LIPA: variants seen among roughly 807,000 people sequenced by gnomAD.
LIPA encodes lipase A, lysosomal acid type, also known as lysosomal acid lipase/cholesteryl ester hydrolase.
LIPA carries 26 observed loss-of-function variants against 40.6 expected under a neutral mutation model. The ratio of observed to expected loss-of-function variants is 0.64; its 90% CI spans 0.47 to 0.89. LIPA has a LOEUF of 0.89. Among genes scored for constraint, LIPA ranks in the 40% least tolerant of loss-of-function variants. LIPA has a pLI of 0.00. For missense variants in LIPA, 455 were observed against 479.6 expected, an observed-to-expected ratio of 0.95 and a Z score of 0.48; for synonymous variants, 188 against 168.4, an observed-to-expected ratio of 1.12 and a Z score of -0.90.
At chr10:89,287,621 C>T (rs11499022) in intron 1 of LIPA, among the ~76,000 whole-genome samples, 58,696 of 151,886 alleles carry the variant, frequency 0.39, 11,608 homozygotes, top group African/African-American at 0.43. Context: ...CCTTGGTGAC[C>T]GATCATGCAC....
At chr10:89,322,125 G>A (rs940118470) in intron 1 of LIPA, among the ~76,000 whole-genome samples, 20 of 152,136 alleles carry the variant, frequency 1.3e-4, no homozygotes, top group Admixed American at 1.3e-3. Flanking sequence ...TGTAAATGAC[G>A]AGTTAATGGG....
At chr10:89,248,443 TATTTATTTATTTATTTATTTA>T (rs1843064784) in intron 1 of LIPA, among the ~76,000 whole-genome samples, 8 of 33,198 alleles carry the variant, frequency 2.4e-4, no homozygotes, top group South Asian at 1.6e-3. Context: ...TATTATTTTA[TATTTATTTATTTATTTATTTA>T]TTTATTTATT....
At chr10:89,258,678 T>C (rs1216654441) in intron 1 of LIPA, among the ~76,000 whole-genome samples, 1 of 152,218 alleles carries the variant, frequency 6.6e-6, no homozygotes, top group East Asian at 1.9e-4. Flanking sequence ...AGTTATCATA[T>C]GACCCATCAA....
chr10:89,364,433 A>G (rs983061851), intron 2 of LIPA, among the ~76,000 whole-genome samples: 6 of 152,124 alleles, frequency 3.9e-5, no homozygotes, highest in Non-Finnish European at 7.4e-5. Flanking sequence ...TCTACAAACA[A>G]AGCACATGGG....
intron 1 of LIPA, chr10:89,339,582 A>G: frequency 6.2e-7 from 1 of 1,614,096 alleles, no homozygotes; most frequent in East Asian, 2.2e-5. Context: ...TGATTGAAGC[A>G]CTAAAGCAAT....
At chr10:89,346,744 C>G (rs916403892), upstream of LIPA, among the ~76,000 whole-genome samples, 1 of 152,176 alleles carries the variant, frequency 6.6e-6, no homozygotes, top group Non-Finnish European at 1.5e-5. Flanking sequence ...AATCCTGAAC[C>G]AAGATCCACC....
At chr10:89,293,014 T>G (rs1478778091) in intron 1 of LIPA, among the ~76,000 whole-genome samples, 1 of 152,186 alleles carries the variant, frequency 6.6e-6, no homozygotes, top group Admixed American at 6.5e-5. Flanking sequence ...TTTGGCTTTG[T>G]GTCCCCACCC....
intron 2 of LIPA, among the ~76,000 whole-genome samples, chr10:89,389,496 T>C (rs1417339229): frequency 6.6e-6 from 1 of 152,208 alleles, no homozygotes; most frequent in Non-Finnish European, 1.5e-5. Context: ...AAATCAGCTT[T>C]TCATTAGGTA....
At chr10:89,320,583 G>A (rs1589600025) in intron 1 of LIPA, among the ~76,000 whole-genome samples, 2 of 152,304 alleles carry the variant, frequency 1.3e-5, no homozygotes, top group East Asian at 3.9e-4. Flanking sequence ...ACAAACAAAT[G>A]GAAGAACATT....
chr10:89,372,055 A>G (rs911396637), intron 2 of LIPA, among the ~76,000 whole-genome samples: 2 of 152,206 alleles, frequency 1.3e-5, no homozygotes, highest in Non-Finnish European at 2.9e-5. Context: ...GACCTACTTG[A>G]GGGTAGAGAG....
chr10:89,354,408 G>T (rs1784120682), intron 2 of LIPA, among the ~76,000 whole-genome samples: 1 of 152,130 alleles, frequency 6.6e-6, no homozygotes, highest in South Asian at 2.1e-4. Context: ...GCAATGTCAT[G>T]GGCCATTGGT....
chr10:89,268,261 T>C (rs1843247782), intron 1 of LIPA, among the ~76,000 whole-genome samples: 1 of 152,258 alleles, frequency 6.6e-6, no homozygotes, highest in African/African-American at 2.4e-5. Flanking sequence ...GATTTTTAAC[T>C]TCTTCTTGAG....
intron 2 of LIPA, among the ~76,000 whole-genome samples, 159 bp downstream of exon 2, chr10:89,247,379 C>CAAA (rs71022556): frequency 0.014 from 1,076 of 75,398 alleles, 39 homozygotes; most frequent in Non-Finnish European, 0.019. Context: ...GACTCTGCCT[C>CAAA]AAAAAAAAAA....
intron 2 of LIPA, among the ~76,000 whole-genome samples, chr10:89,377,520 T>C (rs1159409208): frequency 6.6e-6 from 1 of 152,236 alleles, no homozygotes; most frequent in Admixed American, 6.5e-5. Flanking sequence ...ACCCTTCTTA[T>C]AGACCAATAT....
intron 2 of LIPA, among the ~76,000 whole-genome samples, chr10:89,348,131 C>T (rs573376549): frequency 3.3e-5 from 5 of 152,318 alleles, no homozygotes; most frequent in African/African-American, 1.2e-4. Context: ...CCAGTGCTGT[C>T]TGTTGTGCTC....
intron 1 of LIPA, chr10:89,307,748 G>A (rs914604456): frequency 5.4e-6 from 1 of 184,586 alleles, no homozygotes; most frequent in Non-Finnish European, 1.2e-5. Context: ...GTCCATTTTT[G>A]CAATGTTGTT....
rs1730490060 is a variant in LIPA at position 89,221,320 on chromosome 10, A to T, written c.894+1191T>A. Among the ~76,000 whole-genome samples the T allele has an allele frequency of 2.0e-5, 3 of 151,998 alleles. No individual in the cohort carries two copies. In the South Asian group the frequency reaches 6.2e-4, roughly 32 times the overall value. ...CAGTGAGCCAAGATCGCACCACTAC[A>T]CTCCAGCCTGGCAACAGAGTGAGAG... On this transcript the variant is annotated intron_variant, in intron 8 of 9. Coordinates refer to ENST00000336233, the MANE Select transcript of LIPA (RefSeq NM_000235.4).
chr10:89,284,651 C>T (rs1424639743), intron 1 of LIPA: 3 of 152,114 alleles, frequency 2.0e-5, no homozygotes, highest in African/African-American at 7.2e-5. Context: ...ATCATACTGC[C>T]CCTTATATCA....
intron 2 of LIPA, among the ~76,000 whole-genome samples, chr10:89,388,792 T>G (rs1337165746): frequency 7.3e-6 from 1 of 136,944 alleles, no homozygotes; most frequent in Non-Finnish European, 1.6e-5. Flanking sequence ...ATGCCTGAAA[T>G]GTAAAAAAAA....
Sources: gnomAD v4.1 joint callset for allele counts (sites outside exome capture counted in the v4.1 genomes callset) on GRCh38, gnomAD v4.1.1 for gene constraint, MANE v1.5 for transcripts, NCBI Gene and HGNC (gene_info 2026-07-23, HGNC 2026-07-21) for gene names.